NHSL2: variants seen among roughly 807,000 people sequenced by gnomAD.
The protein encoded by NHSL2 is NHS-like protein 2.
A neutral mutation model predicts 53.4 loss-of-function variants in NHSL2; 27 were observed. The ratio of observed to expected loss-of-function variants is 0.51; its 90% CI spans 0.37 to 0.70. The LOEUF (loss-of-function observed/expected upper bound fraction) is 0.70, where lower values mean the gene tolerates loss of function less well. Among genes scored for constraint, NHSL2 ranks in the 30% least tolerant of loss-of-function variants. The probability of loss-of-function intolerance (pLI) is 0.00; values close to 1 mark genes in which losing one functional copy is unlikely to be tolerated. For missense variants in NHSL2, 892 were observed against 980.1 expected (o/e 0.91, Z 1.20); for synonymous variants, 408 against 404.1 (o/e 1.01, Z -0.12).
intron 1 of NHSL2, chrX:72,129,876 C>G (rs748535162): frequency 8.3e-7 from 1 of 1,203,835 alleles, no homozygotes; most frequent in Non-Finnish European, 1.1e-6. Flanking sequence ...CCCCCTGTCT[C>G]GGAGTGAGGC....
chrX:72,106,140 G>A (rs1013755515), intron 1 of NHSL2, among the ~76,000 whole-genome samples: 1 of 110,807 alleles, frequency 9.0e-6, no homozygotes, highest in African/African-American at 3.3e-5. Flanking sequence ...ACCCCGGGGG[G>A]GCAGAGCCTG....
At chrX:72,122,066 A>G (rs1244292341) in intron 1 of NHSL2, among the ~76,000 whole-genome samples, 1 of 112,577 alleles carries the variant, frequency 8.9e-6, no homozygotes, top group African/African-American at 3.2e-5. Context: ...AATTTAAAAA[A>G]TATTTTTCTA....
At chrX:72,101,038 C>CTT (rs1210122586) in intron 1 of NHSL2, among the ~76,000 whole-genome samples, 15 of 95,606 alleles carry the variant, frequency 1.6e-4, no homozygotes, top group African/African-American at 3.8e-4. Context: ...TGCCTGTTTC[C>CTT]TTTTTTTTTT....
intron 1 of NHSL2, among the ~76,000 whole-genome samples, chrX:71,955,401 C>T (rs145898156): frequency 8.7e-4 from 95 of 109,751 alleles, no homozygotes; most frequent in Non-Finnish European, 1.1e-3. Context: ...GTGAAGTCTC[C>T]CCTGATTCCC....
At chrX:71,988,481 C>CT (rs776469253) in intron 1 of NHSL2, among the ~76,000 whole-genome samples, 21 of 111,455 alleles carry the variant, frequency 1.9e-4, no homozygotes, top group African/African-American at 5.9e-4. Context: ...AGAAGGGACT[C>CT]TAACGCTCCT....
intron 1 of NHSL2, among the ~76,000 whole-genome samples, chrX:72,022,851 T>G (rs1377274926): frequency 9.0e-6 from 1 of 111,425 alleles, no homozygotes. Flanking sequence ...CTCCATGACT[T>G]ACCTATTATA....
chrX:72,138,624 G>C lies in NHSL2; in HGVS notation c.1076G>C (p.Arg359Pro). The C allele has an allele frequency of 8.6e-7, 1 of 1,168,986 alleles. No homozygotes were observed. Among genetic ancestry groups the C allele is most frequent in the Non-Finnish European group, 1.1e-6 (1 of 873,109 alleles). The part of the protein sequence containing the change: ...SSEPDEPHQA[R>P]SGPNPPGMES... ...GAGCCGGACGAACCTCACCAGGCAC[G>C]GAGTGGCCCAAACCCTCCTGGCATG... Residue 359 changes from arginine (R) to proline (P), a missense_variant, in exon 6 of 8, where the codon CGG becomes CCG. Transcript: ENST00000633930.
At position 72,151,327 on chromosome X, in the gene NHSL2, A is replaced by G. The variant is rs1418172393; in HGVS notation, c.*7753A>G. 1 of 111,555 alleles carries G rather than the reference A, an allele frequency of 9.0e-6. No individual in the cohort carries two copies. Among genetic ancestry groups the G allele is most frequent in the African/African-American group, 3.3e-5 (1 of 30,669 alleles). 9.2% of individuals were successfully genotyped at this position (111,555 alleles called of 1,213,427 possible). On this transcript the variant is annotated 3_prime_UTR_variant, in exon 8 of 8. Transcript: ENST00000633930. ...GTGTGAGCTACCGCACCCTGCCAATATAAACTATTCTTAGCTCATGGGCTA... is the reference window on the plus strand; with the variant it reads ...GTGTGAGCTACCGCACCCTGCCAATGTAAACTATTCTTAGCTCATGGGCTA...
chrX:72,134,064 G>T, intron 2 of NHSL2, 27 bp from the exon 3 acceptor site: 1 of 1,164,953 alleles, frequency 8.6e-7, no homozygotes, highest in South Asian at 1.9e-5. Context: ...ACCCTAGAGT[G>T]TGTGTCTCCA....
chrX:71,963,962 C>CATAT (rs201710005), intron 1 of NHSL2, among the ~76,000 whole-genome samples: 1,292 of 48,675 alleles, frequency 0.027, 96 homozygotes, highest in African/African-American at 0.11. Context: ...TATATATACA[C>CATAT]ATATATATAT....
chrX:72,027,595 G>C (rs2042192264), intron 1 of NHSL2: 1 of 111,532 alleles, frequency 9.0e-6, no homozygotes, highest in Non-Finnish European at 1.9e-5. Flanking sequence ...GGAGGTTCCA[G>C]AGCCCAGGGC....
At chrX:72,040,099 C>T (rs775542257) in intron 1 of NHSL2, among the ~76,000 whole-genome samples, 6 of 112,348 alleles carry the variant, frequency 5.3e-5, no homozygotes, top group Admixed American at 9.4e-5. Flanking sequence ...CTTGGGGCTA[C>T]AGGCAGCCTT....
At chrX:72,049,915 G>A (rs1164654713) in intron 1 of NHSL2, among the ~76,000 whole-genome samples, 1 of 101,650 alleles carries the variant, frequency 9.8e-6, no homozygotes, top group Non-Finnish European at 2.0e-5. Context: ...CAAGGCTTTG[G>A]TGACACAACA....
chrX:72,090,355 G>A (rs1053492013), intron 1 of NHSL2, among the ~76,000 whole-genome samples: 6 of 111,478 alleles, frequency 5.4e-5, no homozygotes, highest in Admixed American at 3.8e-4. Context: ...GTGAGCCACC[G>A]TGCCCGGCCG....
Position 72,134,674 on chromosome X carries a change from C to A in NHSL2, c.730C>A (p.Gln244Lys). 8.6e-7 allele frequency: 1 copy of A among 1,166,777 alleles called. No individual in the cohort carries two copies. Among genetic ancestry groups the A allele is most frequent in the Non-Finnish European group, 1.1e-6 (1 of 871,617 alleles). The part of the protein sequence containing the change: ...EKRWPQLCST[Q>K]SDIVPINISG... ...GCGGTGGCCTCAGCTTTGCTCCACG[C>A]AGTCTGACATTGTGCCCATCAACAT... The change falls in exon 4 of 8, where the codon CAG (glutamine) becomes AAG (lysine). Residue 244 changes from glutamine to lysine, a missense_variant. Transcript: ENST00000633930.
At chrX:72,112,836 C>T (rs971177084) in intron 1 of NHSL2, among the ~76,000 whole-genome samples, 18 of 110,835 alleles carry the variant, frequency 1.6e-4, no homozygotes, top group South Asian at 1.1e-3. Flanking sequence ...ATTACAGGTG[C>T]GCACCACCAC....
chrX:71,986,513 A>G (rs964716111), intron 1 of NHSL2, among the ~76,000 whole-genome samples: 3 of 112,280 alleles, frequency 2.7e-5, no homozygotes, highest in Non-Finnish European at 5.6e-5. Context: ...ATCCAAAGTC[A>G]TAGACAAAAA....
intron 1 of NHSL2, among the ~76,000 whole-genome samples, chrX:72,080,717 T>C (rs2041785002): frequency 9.0e-6 from 1 of 110,921 alleles, no homozygotes; most frequent in Non-Finnish European, 1.9e-5. Context: ...TCTTGGGGCT[T>C]TATTTGCCTC....
chrX:72,141,418 C>T (rs747170128), intron 6 of NHSL2: 1 of 122,293 alleles, frequency 8.2e-6, no homozygotes, highest in South Asian at 3.7e-4. Flanking sequence ...CATTTACCAT[C>T]TTGACCATTT....
Sources: allele counts gnomAD v4.1 joint callset (sites outside exome capture counted in the v4.1 genomes callset), GRCh38; gene constraint gnomAD v4.1.1; transcripts MANE v1.5; gene names NCBI Gene and HGNC (gene_info 2026-07-23, HGNC 2026-07-21).